Variants in ADGRF1 observed in about 807,000 individuals in gnomAD.
ADGRF1 encodes G protein-coupled receptor 110.
ADGRF1 carries 85 observed loss-of-function variants against 87.2 expected under a neutral mutation model. That is an observed-to-expected ratio of 0.97 (90% CI 0.82 to 1.17). ADGRF1 has a LOEUF of 1.17. Ranked by LOEUF, ADGRF1 falls within the 50% of genes most tolerant of loss-of-function variation. ADGRF1 has a pLI of 0.00. For missense variants in ADGRF1, 1,169 were observed against 1,077.2 expected, an observed-to-expected ratio of 1.09 and a Z score of -1.19; for synonymous variants, 430 against 408.8, an observed-to-expected ratio of 1.05 and a Z score of -0.63.
At chr6:47,018,675 G>T in intron 7 of ADGRF1, 1 of 1,115,138 alleles carries the variant, frequency 9.0e-7, no homozygotes. Flanking sequence ...ACTTTGGGAG[G>T]CCAAGGTGTG....
intron 11 of ADGRF1, 64 bp from the exon 12 acceptor site, chr6:47,007,358 A>G: frequency 5.2e-6 from 5 of 961,238 alleles, no homozygotes; most frequent in African/African-American, 1.6e-5. Context: ...GAAAGCATTT[A>G]TATGTAACAC....
chr6:47,027,709 T>C lies in ADGRF1; in HGVS notation c.122A>G (p.His41Arg), dbSNP rs553476251. The C allele has an allele frequency of 7.4e-5, 118 of 1,604,966 alleles. 1 individual carries two copies. Among genetic ancestry groups the C allele is most frequent in the Non-Finnish European group, 9.4e-5 (110 of 1,172,054 alleles). The change falls in exon 3 of 15, where the codon CAT (histidine) becomes CGT (arginine). Residue 41 changes from histidine to arginine, a missense_variant. Physicochemically the swap from His to Arg is conservative, Grantham distance 29. Transcript: ENST00000371253. Reference protein sequence around the residue: ...KKELIVNKKKHLGPVEEYQLL... With the variant: ...KKELIVNKKKRLGPVEEYQLL... ...GCTGTCTAACAGAGCCTCACCTAGA[T>C]GTTTTTTCTTATTCACAATGAGTTC...
chr6:47,035,175 C>T (rs865801470), intron 1 of ADGRF1, among the ~76,000 whole-genome samples: 1 of 152,164 alleles, frequency 6.6e-6, no homozygotes, highest in Non-Finnish European at 1.5e-5. Flanking sequence ...AAGACCCAGC[C>T]GCTTGTGGTT....
At position 46,998,907 on chromosome 6, in the gene ADGRF1, A is replaced by G. The variant is rs1043062530; in HGVS notation, c.*1315T>C. 10 of 152,264 alleles carry G rather than the reference A, an allele frequency of 6.6e-5. No individual in the cohort carries two copies. The highest frequency in any genetic ancestry group is 2.4e-4 in the African/African-American group (10 of 41,468). 9.4% of individuals were successfully genotyped at this position (152,264 alleles called of 1,614,324 possible). ...CACCTTGGTGCCTTGTGGAAGTCTA[A>G]CTTTGAATTTCTCTCAGGTATGCTT... On this transcript the variant is annotated 3_prime_UTR_variant, in exon 15 of 15. Coordinates refer to ENST00000371253, the MANE Select transcript of ADGRF1 (RefSeq NM_153840.4).
At chr6:47,008,880 C>G in intron 11 of ADGRF1, 65 bp downstream of exon 11, 1 of 1,446,830 alleles carries the variant, frequency 6.9e-7, no homozygotes, top group Non-Finnish European at 9.3e-7. Context: ...GTGGTTTTAC[C>G]TGCCTGAGTT....
At chr6:47,041,300 T>C (rs1328281288) in intron 1 of ADGRF1, among the ~76,000 whole-genome samples, 1 of 152,204 alleles carries the variant, frequency 6.6e-6, no homozygotes. Flanking sequence ...TTAAAGAATG[T>C]ACTTTTATTT....
intron 12 of ADGRF1, 134 bp downstream of exon 12, chr6:47,007,119 C>A: frequency 2.0e-6 from 1 of 511,712 alleles, no homozygotes; most frequent in South Asian, 4.3e-5. Context: ...CCTGACTTCT[C>A]TAAAAGCACA....
At chr6:47,015,396 A>G (rs1779839195) in intron 8 of ADGRF1, among the ~76,000 whole-genome samples, 1 of 151,050 alleles carries the variant, frequency 6.6e-6, no homozygotes, top group South Asian at 2.1e-4. Context: ...CATTAACTGG[A>G]AGATCCACAA....
At chr6:47,041,911 T>C (rs1246071901) in intron 1 of ADGRF1, among the ~76,000 whole-genome samples, 1 of 152,168 alleles carries the variant, frequency 6.6e-6, no homozygotes, top group African/African-American at 2.4e-5. Context: ...AACAATGGGG[T>C]TCCTGTGTTA....
rs755335861 is a variant in ADGRF1 at position 47,000,314 on chromosome 6, G to T, written c.2660-19C>A. ...TAATGGCCTGAAGGGGAAAAAAAAA[G>T]GAAATAATTATTGTTACTCTGTTGA... On this transcript the variant is annotated intron_variant, in intron 14 of 14. Coordinates refer to ENST00000371253, the MANE Select transcript of ADGRF1 (RefSeq NM_153840.4). The T allele has an allele frequency of 1.3e-6, 2 of 1,539,354 alleles. No individual in the cohort carries two copies. Among genetic ancestry groups the T allele is most frequent in the Non-Finnish European group, 8.9e-7 (1 of 1,122,130 alleles).
chr6:47,009,735 G>T lies in ADGRF1; in HGVS notation c.1700C>A (p.Thr567Asn). Residue 567 changes from threonine to asparagine, a missense_variant, in exon 11 of 15, where the codon ACC becomes AAC. Coordinates refer to ENST00000371253, the MANE Select transcript of ADGRF1 (RefSeq NM_153840.4). ...DIVTCQCTHLTSFSILMSPFV... is the reference protein window; with the variant it reads ...DIVTCQCTHLNSFSILMSPFV... The stretch of plus-strand genomic sequence containing the variant: ...AGGTGACATCAATATGGAGAAGGAG[G>T]TCAAGTGAGTACATTGGCACGTCAC... 6.2e-7 allele frequency: 1 copy of T among 1,614,206 alleles called. No individual in the cohort carries two copies. Among genetic ancestry groups the T allele is most frequent in the East Asian group, 2.2e-5 (1 of 44,880 alleles).
chr6:47,031,319 T>C (rs866827157), intron 1 of ADGRF1, among the ~76,000 whole-genome samples: 47 of 148,492 alleles, frequency 3.2e-4, no homozygotes, highest in African/African-American at 1.1e-3. Context: ...TCTCTCTGTC[T>C]CTCTCTCTCT....
At chr6:47,037,027 G>T (rs1780606895) in intron 1 of ADGRF1, among the ~76,000 whole-genome samples, 1 of 152,196 alleles carries the variant, frequency 6.6e-6, no homozygotes, top group Non-Finnish European at 1.5e-5. Context: ...GGAAAGTGCT[G>T]CTTCAAAAGG....
At chr6:47,030,803 C>T (rs1780392690) in intron 1 of ADGRF1, among the ~76,000 whole-genome samples, 1 of 151,934 alleles carries the variant, frequency 6.6e-6, no homozygotes, top group African/African-American at 2.4e-5. Context: ...CTCTCTGTTG[C>T]CCAGGCTGGA....
chr6:47,037,298 C>T (rs921667874), intron 1 of ADGRF1, among the ~76,000 whole-genome samples: 1 of 152,094 alleles, frequency 6.6e-6, no homozygotes, highest in Non-Finnish European at 1.5e-5. Context: ...AGTCATTTTC[C>T]TAAATTTTTT....
At chr6:47,034,409 A>G (rs1032343836) in intron 1 of ADGRF1, among the ~76,000 whole-genome samples, 1 of 152,204 alleles carries the variant, frequency 6.6e-6, no homozygotes, top group Non-Finnish European at 1.5e-5. Flanking sequence ...CTAAGAACCT[A>G]CTAAGAATTT....
At chr6:47,030,419 G>A (rs1304663796) in intron 1 of ADGRF1, among the ~76,000 whole-genome samples, 2 of 152,122 alleles carry the variant, frequency 1.3e-5, no homozygotes, top group African/African-American at 2.4e-5. Flanking sequence ...TTATTCTTCA[G>A]GGTCTTGTTT....
chr6:47,019,820 T>C (rs921049668), intron 7 of ADGRF1: 4 of 984,480 alleles, frequency 4.1e-6, no homozygotes, highest in Non-Finnish European at 3.6e-6. Flanking sequence ...AGATTATTAA[T>C]AGTTGGTAAT....
At chr6:47,020,426 G>A in intron 7 of ADGRF1, 2 of 1,010,458 alleles carry the variant, frequency 2.0e-6, no homozygotes, top group Non-Finnish European at 1.4e-6. Flanking sequence ...AACCCGGTAG[G>A]CAGAGGTTGC....
Sources: allele counts gnomAD v4.1 joint callset (sites outside exome capture counted in the v4.1 genomes callset), GRCh38; gene constraint gnomAD v4.1.1; transcripts MANE v1.5; gene names NCBI Gene and HGNC (gene_info 2026-07-23, HGNC 2026-07-21).